The following ZC3H3 variants were observed in gnomAD, a reference collection of about 807,000 sequenced individuals.
The protein encoded by ZC3H3 is zinc finger CCCH-type containing 3.
In ZC3H3, 36 loss-of-function variants were observed where a neutral mutation model predicts 77.3. That is an observed-to-expected ratio of 0.47 (90% CI 0.36 to 0.61). The LOEUF (loss-of-function observed/expected upper bound fraction) is 0.61, where lower values mean the gene tolerates loss of function less well. Ranked by LOEUF, ZC3H3 falls within the 20% of genes least tolerant of loss-of-function variation. The probability of loss-of-function intolerance (pLI) is 0.00; values close to 1 mark genes in which losing one functional copy is unlikely to be tolerated. For missense variants in ZC3H3, 1,331 were observed against 1,312.2 expected (o/e 1.01, Z -0.22); for synonymous variants, 626 against 555.2 (o/e 1.13, Z -1.79).
At chr8:143,491,087 C>T (rs1821188331) in intron 4 of ZC3H3, among the ~76,000 whole-genome samples, 1 of 152,210 alleles carries the variant, frequency 6.6e-6, no homozygotes, top group African/African-American at 2.4e-5. Context: ...TTGCCCCTCC[C>T]TCCAGGGAGC....
At chr8:143,537,112 A>G (rs566748645) in intron 2 of ZC3H3, among the ~76,000 whole-genome samples, 54 of 152,266 alleles carry the variant, frequency 3.5e-4, no homozygotes, top group Admixed American at 5.9e-4. Context: ...TCTGCCCAGC[A>G]GGTGCAGCCA....
intron 4 of ZC3H3, among the ~76,000 whole-genome samples, chr8:143,501,373 T>C (rs1821520163): frequency 6.6e-6 from 1 of 152,010 alleles, no homozygotes; most frequent in Non-Finnish European, 1.5e-5. Flanking sequence ...CCAGCTAATT[T>C]TAGTACTTTT....
Position 143,539,016 on chromosome 8 carries a change from G to C in ZC3H3, c.351C>G (p.Leu117=). Residue 117 remains leucine (L), a synonymous_variant, in exon 2 of 12, where the codon CTC becomes CTG. Transcript: ENST00000262577. ...QQHVLERQVQ[L]SQGQNVVIKV... ...TGATGACCACGTTCTGACCCTGACT[G>C]AGCTGGACCTGTCTCTCAAGGACAT... 2.5e-6 allele frequency: 4 copies of C among 1,613,092 alleles called. No individual in the cohort carries two copies. The highest frequency in any genetic ancestry group is 3.4e-6 in the Non-Finnish European group (4 of 1,180,040).
intron 3 of ZC3H3, among the ~76,000 whole-genome samples, chr8:143,528,230 C>T (rs755035030): frequency 6.6e-6 from 1 of 152,238 alleles, no homozygotes; most frequent in Non-Finnish European, 1.5e-5. Flanking sequence ...CTGCGCAGGG[C>T]AGGGGAGCCA....
At chr8:143,451,614 T>C (rs1471863659) in intron 9 of ZC3H3, among the ~76,000 whole-genome samples, 1 of 151,626 alleles carries the variant, frequency 6.6e-6, no homozygotes, top group Non-Finnish European at 1.5e-5. Flanking sequence ...TGACACCCTG[T>C]CTCTACTAAA....
chr8:143,503,688 A>G (rs1377380108), intron 4 of ZC3H3, among the ~76,000 whole-genome samples: 1 of 98,482 alleles, frequency 1.0e-5, no homozygotes, highest in African/African-American at 4.1e-5. Flanking sequence ...TGTCTCCACC[A>G]CCACCTCCCC....
chr8:143,441,321 C>T (rs1293773053), intron 9 of ZC3H3, among the ~76,000 whole-genome samples: 2 of 152,224 alleles, frequency 1.3e-5, no homozygotes, highest in Non-Finnish European at 2.9e-5. Context: ...CACCCACCCA[C>T]AAGAGGCCCT....
intron 8 of ZC3H3, among the ~76,000 whole-genome samples, chr8:143,466,074 A>G (rs1178258043): frequency 6.6e-6 from 1 of 152,126 alleles, no homozygotes; most frequent in Non-Finnish European, 1.5e-5. Context: ...TGTCCAGAGG[A>G]GGCATGGAGC....
At chr8:143,491,098 C>T (rs947022550) in intron 4 of ZC3H3, among the ~76,000 whole-genome samples, 5 of 152,142 alleles carry the variant, frequency 3.3e-5, no homozygotes, top group Non-Finnish European at 7.4e-5. Context: ...TCCAGGGAGC[C>T]CAGGCACCAA....
chr8:143,539,708 G>T (rs1187918924), intron 1 of ZC3H3, among the ~76,000 whole-genome samples: 1 of 152,206 alleles, frequency 6.6e-6, no homozygotes. Flanking sequence ...GGGACAAGTG[G>T]CCGCACAGGC....
chr8:143,517,075 GC>G (rs1348077945), intron 3 of ZC3H3, among the ~76,000 whole-genome samples: 1 of 152,236 alleles, frequency 6.6e-6, no homozygotes, highest in Non-Finnish European at 1.5e-5. Flanking sequence ...GACTGTCAGA[GC>G]CCTATTAAAG....
chr8:143,468,635 C>G lies in ZC3H3; in HGVS notation c.1928G>C (p.Cys643Ser). Residue 643 changes from cysteine to serine, a missense_variant, in exon 6 of 12, where the codon TGT becomes TCT. Transcript: ENST00000262577. ...GCATTACCTGGCCAGGGAACGGCTACAGCTGCCTGCAGGATCCAGCCGGCC... is the reference window on the plus strand; with the variant it reads ...GCATTACCTGGCCAGGGAACGGCTAGAGCTGCCTGCAGGATCCAGCCGGCC... ...RTGRLDPAGS[C>S]SRSLASRAVQ... The G allele has an allele frequency of 2.6e-6, 4 of 1,553,780 alleles. No homozygotes were observed. The highest frequency in any genetic ancestry group is 3.5e-6 in the Non-Finnish European group (4 of 1,149,250).
intron 3 of ZC3H3, among the ~76,000 whole-genome samples, chr8:143,532,193 G>A (rs1822633720): frequency 6.6e-6 from 1 of 151,824 alleles, no homozygotes; most frequent in South Asian, 2.1e-4. Context: ...AAATTACTTG[G>A]TATCTGCTTT....
chr8:143,505,529 TA>T (rs1821662806), intron 4 of ZC3H3, among the ~76,000 whole-genome samples: 1 of 152,046 alleles, frequency 6.6e-6, no homozygotes, highest in Non-Finnish European at 1.5e-5. Flanking sequence ...CAGGACTTCC[TA>T]AGAGTCGTGC....
chr8:143,461,777 T>A (rs1459306437), intron 9 of ZC3H3, among the ~76,000 whole-genome samples: 1 of 151,814 alleles, frequency 6.6e-6, no homozygotes, highest in Non-Finnish European at 1.5e-5. Context: ...CAGAAGAAAC[T>A]TACCGAGACA....
chr8:143,499,359 C>A (rs139484610), intron 4 of ZC3H3, among the ~76,000 whole-genome samples: 2,683 of 152,134 alleles, frequency 0.018, 78 homozygotes, highest in African/African-American at 0.061. Flanking sequence ...GGCAAGGGCT[C>A]CCAGCCCCTC....
chr8:143,503,704 C>T (rs1189855962), intron 4 of ZC3H3, among the ~76,000 whole-genome samples: 11 of 146,606 alleles, frequency 7.5e-5, no homozygotes, highest in African/African-American at 2.8e-4. Flanking sequence ...TCCCCCAGCA[C>T]CCAGCCGGCT....
intron 3 of ZC3H3, among the ~76,000 whole-genome samples, chr8:143,531,733 T>C (rs1361935599): frequency 6.6e-6 from 1 of 152,198 alleles, no homozygotes; most frequent in East Asian, 1.9e-4. Flanking sequence ...GATTCTCCCT[T>C]TTCCTGAACT....
intron 3 of ZC3H3, among the ~76,000 whole-genome samples, chr8:143,534,794 C>T (rs999929199): frequency 6.6e-6 from 1 of 152,168 alleles, no homozygotes; most frequent in African/African-American, 2.4e-5. Context: ...CTCCCTGTCA[C>T]CAGGATGAAA....
Sources: allele counts gnomAD v4.1 joint callset (sites outside exome capture counted in the v4.1 genomes callset), GRCh38; gene constraint gnomAD v4.1.1; transcripts MANE v1.5; gene names NCBI Gene and HGNC (gene_info 2026-07-23, HGNC 2026-07-21).